The following DNAH9 variants were observed in gnomAD, a reference collection of about 807,000 sequenced individuals.
DNAH9 encodes dynein axonemal heavy chain 9.
Under a neutral mutation model 471.6 loss-of-function variants are expected in DNAH9, and 345 were observed. The ratio of observed to expected loss-of-function variants is 0.73; its 90% CI spans 0.67 to 0.80. The LOEUF (loss-of-function observed/expected upper bound fraction) is 0.80, where lower values mean the gene tolerates loss of function less well. Ranked by LOEUF, DNAH9 falls within the 30% of genes least tolerant of loss-of-function variation. DNAH9 has a pLI of 0.00. For synonymous variants in DNAH9, 2,093 were observed against 2,123.6 expected (o/e 0.99, Z 0.40); for missense variants, 5,407 against 5,609.2 (o/e 0.96, Z 1.15).
intron 51 of DNAH9, 102 bp from the exon 52 acceptor site, chr17:11,871,496 C>T (rs1401446219): frequency 1.1e-5 from 11 of 1,035,822 alleles, no homozygotes; most frequent in Non-Finnish European, 1.6e-5. Flanking sequence ...TCTGCCTCTT[C>T]CCGCTATGAA....
At chr17:11,687,455 CAG>C (rs1567718431) in intron 19 of DNAH9, among the ~76,000 whole-genome samples, 2 of 152,154 alleles carry the variant, frequency 1.3e-5, no homozygotes, top group Non-Finnish European at 2.9e-5. Flanking sequence ...CTAAAGTCAA[CAG>C]AGAAAGGGCA....
At chr17:11,759,576 G>A (rs1268154376) in intron 35 of DNAH9, among the ~76,000 whole-genome samples, 2 of 141,904 alleles carry the variant, frequency 1.4e-5, no homozygotes, top group Non-Finnish European at 3.0e-5. Context: ...AGGCTGGAGT[G>A]CAGTGGTGCG....
chr17:11,903,034 G>A, intron 60 of DNAH9, 122 bp downstream of exon 60: 1 of 1,130,488 alleles, frequency 8.8e-7, no homozygotes, highest in Non-Finnish European at 1.2e-6. Flanking sequence ...GGAGCTAGAG[G>A]GTGGGAATAG....
intron 48 of DNAH9, among the ~76,000 whole-genome samples, chr17:11,831,719 T>C (rs752464873): frequency 6.6e-6 from 1 of 152,172 alleles, no homozygotes; most frequent in Non-Finnish European, 1.5e-5. Flanking sequence ...AACACTCCTT[T>C]TCAGTTCTTC....
rs190683170 is a variant in DNAH9 at position 11,962,750 on chromosome 17, G to C, written c.13233+494G>C. Among the ~76,000 whole-genome samples, 1 of 152,026 alleles carries C rather than the reference G, an allele frequency of 6.6e-6. No homozygotes were observed. Among genetic ancestry groups the C allele is most frequent in the African/African-American group, 2.4e-5 (1 of 41,402 alleles). ...ACGATCTTAGCTCACTGCAACCTCC[G>C]CCTCCCGAGTTCAAGCAATTCTCCT... On this transcript the variant is annotated intron_variant, in intron 68 of 68. Coordinates refer to ENST00000262442, the MANE Select transcript of DNAH9 (RefSeq NM_001372.4). The surrounding 1 kb of genome is among the most constrained non-coding windows in gnomAD (Gnocchi z 4.1).
intron 41 of DNAH9, 79 bp from the exon 42 acceptor site, chr17:11,793,424 A>T: frequency 3.7e-6 from 5 of 1,346,566 alleles, no homozygotes; most frequent in Non-Finnish European, 5.1e-6. Flanking sequence ...GTTAGATAAA[A>T]TGCTCCAGGA....
intron 11 of DNAH9, among the ~76,000 whole-genome samples, chr17:11,645,627 C>T (rs2073367491): frequency 6.6e-6 from 1 of 152,194 alleles, no homozygotes; most frequent in Non-Finnish European, 1.5e-5. Context: ...CCTCCAGCCT[C>T]TGCCATGCTC....
chr17:11,618,217 C>T (rs969402966), intron 5 of DNAH9, among the ~76,000 whole-genome samples: 2 of 152,202 alleles, frequency 1.3e-5, no homozygotes, highest in African/African-American at 4.8e-5. Flanking sequence ...TTAGATTATG[C>T]ACTTCATGCT....
chr17:11,706,621 T>C (rs567906894), intron 26 of DNAH9, among the ~76,000 whole-genome samples: 17 of 152,282 alleles, frequency 1.1e-4, no homozygotes, highest in African/African-American at 3.8e-4. Context: ...AGGGAAGAGA[T>C]GGTATTTGAC....
At position 11,834,910 on chromosome 17, in the gene DNAH9, G is replaced by A. The variant is rs56260572; in HGVS notation, c.9507+12G>A. 10,631 of 1,610,516 alleles carry A rather than the reference G, an allele frequency of 6.6e-3. 583 individuals carry two copies. In the African/African-American group the frequency reaches 0.12, roughly 18 times the overall value. On this transcript the variant is annotated intron_variant, in intron 49 of 68. Transcript: ENST00000262442. ...ACACCCTGAACAAGGTAGGAGGACT[G>A]TCTGCCATACCTGCTCATCCCTCAG...
rs551435770 is a variant in DNAH9 at position 11,932,391 on chromosome 17, C to T, written c.12297+186C>T. Among the ~76,000 whole-genome samples, 18 of 152,244 alleles carry T rather than the reference C, an allele frequency of 1.2e-4. No individual in the cohort carries two copies. The highest frequency in any genetic ancestry group is 4.1e-4 in the African/African-American group (17 of 41,550). On this transcript the variant is annotated intron_variant, in intron 64 of 68. Transcript: ENST00000262442. This position sits in a 1 kb window ranked among gnomAD's most constrained non-coding sequence, Gnocchi z 4.3. ...TAAGAGTGTAACACATGGTCATGTT[C>T]CAAGCCCCACTCCCCATTACCTGAC...
chr17:11,603,517 A>G (rs573188958), intron 1 of DNAH9, among the ~76,000 whole-genome samples: 3 of 152,106 alleles, frequency 2.0e-5, no homozygotes, highest in Non-Finnish European at 4.4e-5. Context: ...TCTGATGCCA[A>G]CCCTAAGGCT....
At chr17:11,643,869 A>G (rs948263647) in intron 10 of DNAH9, among the ~76,000 whole-genome samples, 10 of 152,242 alleles carry the variant, frequency 6.6e-5, no homozygotes, top group Non-Finnish European at 1.3e-4. Context: ...TTGTAGCACT[A>G]TACTAAGTGT....
chr17:11,717,880 A>G (rs1419253793), intron 26 of DNAH9, among the ~76,000 whole-genome samples: 1 of 152,062 alleles, frequency 6.6e-6, no homozygotes, highest in African/African-American at 2.4e-5. Flanking sequence ...GACAACATAT[A>G]ATCTCTTTTT....
chr17:11,612,902 C>T (rs545600523), intron 4 of DNAH9: 18 of 152,336 alleles, frequency 1.2e-4, no homozygotes, highest in Admixed American at 3.3e-4. Flanking sequence ...TAAAACGAAT[C>T]CAGGCATGTT....
intron 67 of DNAH9, among the ~76,000 whole-genome samples, chr17:11,942,922 G>T: frequency 7.1e-6 from 1 of 139,970 alleles, no homozygotes; most frequent in East Asian, 2.1e-4. Flanking sequence ...TTGAGACAGA[G>T]TCTTGCTCTG....
chr17:11,730,855 G>A (rs1235786735), intron 28 of DNAH9, among the ~76,000 whole-genome samples: 2 of 151,740 alleles, frequency 1.3e-5, no homozygotes, highest in African/African-American at 2.4e-5. Flanking sequence ...GATGGCGGTG[G>A]TAGTGGTGGT....
At chr17:11,670,706 A>AT (rs11320846) in intron 17 of DNAH9, among the ~76,000 whole-genome samples, 1,732 of 145,836 alleles carry the variant, frequency 0.012, 11 homozygotes, top group Middle Eastern at 0.021. Context: ...CTTTGTGGGG[A>AT]TTTTTTTTTT....
chr17:11,784,641 G>A, intron 41 of DNAH9, 102 bp downstream of exon 41: 1 of 1,510,172 alleles, frequency 6.6e-7, no homozygotes, highest in East Asian at 2.3e-5. Flanking sequence ...ATAGGCACAG[G>A]CAAAGCCACT....
Sources: gnomAD v4.1 joint callset for allele counts (sites outside exome capture counted in the v4.1 genomes callset) on GRCh38, gnomAD v4.1.1 for gene constraint, Gnocchi (gnomAD v3.1) non-coding constraint, MANE v1.5 for transcripts, NCBI Gene and HGNC (gene_info 2026-07-23, HGNC 2026-07-21) for gene names.